PABPN1: variants seen among roughly 807,000 people sequenced by gnomAD.
The protein encoded by PABPN1 is poly(A) binding protein nuclear 1.
In PABPN1, 5 loss-of-function variants were observed where a neutral mutation model predicts 33.4. That is an observed-to-expected ratio of 0.15 (90% confidence interval 0.08 to 0.32). The LOEUF (loss-of-function observed/expected upper bound fraction) is 0.32, where lower values mean the gene tolerates loss of function less well. Among genes scored for constraint, PABPN1 ranks in the 10% least tolerant of loss-of-function variants. PABPN1 has a pLI of 1.00. For missense variants in PABPN1, 312 were observed against 425.8 expected, an observed-to-expected ratio of 0.73 and a Z score of 2.35; for synonymous variants, 176 against 170.6, an observed-to-expected ratio of 1.03 and a Z score of -0.25.
chr14:23,322,704 C>T lies in PABPN1; in HGVS notation c.467-295C>T, dbSNP rs190447712. 2,802 of 487,754 alleles carry T rather than the reference C, an allele frequency of 5.7e-3. 11 individuals carry two copies. Among genetic ancestry groups the T allele is most frequent in the Non-Finnish European group, 8.6e-3 (2,338 of 270,382 alleles). 30.2% of individuals were successfully genotyped at this position (487,754 alleles called of 1,614,324 possible). Reference sequence around the variant, plus strand: ...TGGAGTCTCAGCCCACTTAATTTTGCTCACTCTTAAAAGCATTTCAACCAA... The same window carrying T: ...TGGAGTCTCAGCCCACTTAATTTTGTTCACTCTTAAAAGCATTTCAACCAA... On this transcript the variant is annotated intron_variant, in intron 2 of 6. Coordinates refer to ENST00000216727, the MANE Select transcript of PABPN1 (RefSeq NM_004643.4).
intron 1 of PABPN1, 65 bp from the exon 2 acceptor site, chr14:23,322,116 G>A (rs1311915107): frequency 9.9e-6 from 15 of 1,508,982 alleles, no homozygotes; most frequent in Non-Finnish European, 1.3e-5. Flanking sequence ...CTGGCCGAGA[G>A]CAGGGCACAG....
intron 6 of PABPN1, 141 bp from the exon 7 acceptor site, chr14:23,325,106 C>T: frequency 9.0e-7 from 1 of 1,113,286 alleles, no homozygotes; most frequent in Non-Finnish European, 1.3e-6. Context: ...TTTCTGGGAT[C>T]ATGGGGTCAG....
rs371555266 is a variant in PABPN1, at chr14:23,321,811, T to C, written c.342T>C (p.Ile114=). ...AGGGTGACCCGGGGGACGGCGCCAT[T>C]GAGGACCCGGTGAGGGAAGGAGGGC... ...LVEGDPGDGA[I]EDPELEAIKA... Residue 114 remains isoleucine, a synonymous_variant, in exon 1 of 7, where the codon ATT becomes ATC. Coordinates refer to ENST00000216727, the MANE Select transcript of PABPN1 (RefSeq NM_004643.4). 55 of 1,485,232 alleles carry C rather than the reference T, an allele frequency of 3.7e-5. No individual in the cohort carries two copies. In the African/African-American group the frequency reaches 7.2e-4, roughly 19 times the overall value. 92.0% of individuals were successfully genotyped at this position (1,485,232 alleles called of 1,614,324 possible).
chr14:23,322,457 T>C lies in PABPN1; in HGVS notation c.466+162T>C, dbSNP rs536689458. ...GTCCGTTGTGTGTTCCTCTGACCTT[T>C]GTGAGGCAGAACGTATATTTTGGTG... On this transcript the variant is annotated intron_variant, in intron 2 of 6. Transcript: ENST00000216727. 5 of 694,074 alleles carry C rather than the reference T, an allele frequency of 7.2e-6. 1 individual carries two copies. The East Asian group carries it at 1.4e-4, about 19-fold the overall frequency. The allele number at this position is 694,074 out of a possible 1,614,324, so 43.0% of individuals were successfully genotyped here.
intron 5 of PABPN1, 27 bp downstream of exon 5, chr14:23,324,079 G>A (rs1888539440): frequency 6.2e-7 from 1 of 1,614,022 alleles, no homozygotes; most frequent in African/African-American, 1.3e-5. Flanking sequence ...TGCTGTTCTA[G>A]TTGTGTATAA....
Position 23,323,389 on chromosome 14 carries a change from G to A in PABPN1, c.547G>A (p.Ala183Thr), listed in dbSNP as rs1888478366. ...CTCCTCTCATCAGGTGGACTATGGT[G>A]CAACAGCAGAAGAGCTGGAAGCTCA... is the stretch of plus-strand genomic sequence containing the variant. ...SIYVGNVDYG[A>T]TAEELEAHFH... is the part of the protein sequence containing the mutation. Residue 183 changes from alanine (A) to threonine (T), a missense_variant, in exon 4 of 7, where the codon GCA becomes ACA. Transcript: ENST00000216727. The A allele has an allele frequency of 6.2e-7, 1 of 1,613,316 alleles. No individual in the cohort carries two copies. Among genetic ancestry groups the A allele is most frequent in the Non-Finnish European group, 8.5e-7 (1 of 1,179,894 alleles).
At chr14:23,322,048 T>C (rs780916188) in intron 1 of PABPN1, 133 bp from the exon 2 acceptor site, 12 of 1,014,032 alleles carry the variant, frequency 1.2e-5, no homozygotes, top group Non-Finnish European at 1.6e-5. Flanking sequence ...TAGCTTTTCT[T>C]TTATCACGAC....
intron 3 of PABPN1, 114 bp from the exon 4 acceptor site, chr14:23,323,263 A>C: frequency 7.6e-7 from 1 of 1,314,592 alleles, no homozygotes; most frequent in South Asian, 1.2e-5. Context: ...TAATTCCTCA[A>C]ATTACCAGAT....
intron 4 of PABPN1, 99 bp from the exon 5 acceptor site, chr14:23,323,866 A>G (rs1888518544): frequency 2.6e-6 from 3 of 1,174,766 alleles, no homozygotes; most frequent in African/African-American, 1.5e-5. Flanking sequence ...AATAAAAAAT[A>G]TAACTGCATT....
intron 6 of PABPN1, 198 bp downstream of exon 6, chr14:23,324,487 A>C: frequency 1.5e-6 from 1 of 674,602 alleles, no homozygotes; most frequent in Non-Finnish European, 2.6e-6. Flanking sequence ...CTGCAGTAGA[A>C]ATTGGTGATA....
At chr14:23,323,588 C>G (rs1888495884) in intron 4 of PABPN1, 105 bp downstream of exon 4, 3 of 1,088,946 alleles carry the variant, frequency 2.8e-6, no homozygotes, top group African/African-American at 1.5e-5. Flanking sequence ...CACAGGTGAT[C>G]TGTGTCATTT....
chr14:23,325,020 C>T, intron 6 of PABPN1: 1 of 469,460 alleles, frequency 2.1e-6, no homozygotes. Flanking sequence ...CTCAGATGCG[C>T]TTCTTTTTCG....
chr14:23,321,903 A>AG, intron 1 of PABPN1, 83 bp downstream of exon 1: 2 of 266,572 alleles, frequency 7.5e-6, no homozygotes, highest in Non-Finnish European at 1.3e-5. Context: ...AGCGGGTGGC[A>AG]GGCGGGGGGT....
chr14:23,325,042 C>A (rs75836839), intron 6 of PABPN1: 8 of 572,812 alleles, frequency 1.4e-5, no homozygotes, highest in South Asian at 6.8e-5. Flanking sequence ...CACTGTTTGG[C>A]AGTTTTCTGT....
chr14:23,325,431 G>A lies in PABPN1; in HGVS notation c.*145G>A. 1 of 1,132,754 alleles carries A rather than the reference G, an allele frequency of 8.8e-7. No individual in the cohort carries two copies. The highest frequency in any genetic ancestry group is 2.6e-5 in the East Asian group (1 of 38,866). 70.2% of individuals were successfully genotyped at this position (1,132,754 alleles called of 1,614,324 possible). On this transcript the variant is annotated 3_prime_UTR_variant, in exon 7 of 7. Coordinates refer to ENST00000216727, the MANE Select transcript of PABPN1 (RefSeq NM_004643.4). ...AAAAAAAGATATACTGTGGAAGGGG[G>A]GAGAATCCCATAACTAACTGCTGAG...
chr14:23,321,933 C>G (rs1442687538), intron 1 of PABPN1, 113 bp downstream of exon 1: 2 of 734,998 alleles, frequency 2.7e-6, no homozygotes, highest in Admixed American at 3.0e-5. Flanking sequence ...CGGGGAATAA[C>G]GTGGCTGGGG....
chr14:23,322,127 C>A, intron 1 of PABPN1, 54 bp from the exon 2 acceptor site: 1 of 1,516,240 alleles, frequency 6.6e-7, no homozygotes, highest in Non-Finnish European at 9.0e-7. Context: ...CAGGGCACAG[C>A]CCCTGCGTTG....
At position 23,321,728 on chromosome 14, in the gene PABPN1, G is replaced by A; in HGVS notation, c.259G>A (p.Gly87Arg). 6.5e-7 allele frequency: 1 copy of A among 1,542,424 alleles called. No individual in the cohort carries two copies. Among genetic ancestry groups the A allele is most frequent in the Non-Finnish European group, 8.7e-7 (1 of 1,144,026 alleles). The change falls in exon 1 of 7, where the codon GGG (glycine) becomes AGG (arginine). Residue 87 changes from glycine to arginine, a missense_variant. Coordinates refer to ENST00000216727, the MANE Select transcript of PABPN1 (RefSeq NM_004643.4). ...PRAPPGAPGPGPGSGAPGSQE... is the reference protein window; with the variant it reads ...PRAPPGAPGPRPGSGAPGSQE... ...CGCCCCCCCGGGAGCTCCGGGCCCT[G>A]GGCCTGGTTCGGGAGCCCCCGGCAG...
At chr14:23,325,143 C>A in intron 6 of PABPN1, 104 bp from the exon 7 acceptor site, 2 of 1,505,704 alleles carry the variant, frequency 1.3e-6, no homozygotes, top group South Asian at 1.1e-5. Flanking sequence ...CACTTCTTTT[C>A]CCCCCTTCCC....
Sources: gnomAD v4.1 joint callset for allele counts on GRCh38, gnomAD v4.1.1 for gene constraint, MANE v1.5 for transcripts, NCBI Gene and HGNC (gene_info 2026-07-23, HGNC 2026-07-21) for gene names.